The following RBMS3 variants were observed in gnomAD, a reference collection of about 807,000 sequenced individuals.
RBMS3 encodes RNA binding motif single stranded interacting protein 3, also known as RNA-binding motif, single-stranded-interacting protein 3.
In RBMS3, 27 loss-of-function variants were observed where a neutral mutation model predicts 66.8. The ratio of observed to expected loss-of-function variants is 0.40; its 90% CI spans 0.30 to 0.56. RBMS3 has a LOEUF of 0.56. Ranked by LOEUF, RBMS3 falls within the 20% of genes least tolerant of loss-of-function variation. RBMS3 has a pLI of 0.40. For synonymous variants in RBMS3, 188 were observed against 183.0 expected (o/e 1.03, Z -0.22); for missense variants, 513 against 549.5 (o/e 0.93, Z 0.66).
intron 4 of RBMS3, among the ~76,000 whole-genome samples, chr3:29,728,021 G>A (rs1451186059): frequency 6.6e-6 from 1 of 152,176 alleles, no homozygotes; most frequent in Non-Finnish European, 1.5e-5. Context: ...GGAATACTAT[G>A]CAGCCATAAA....
Position 29,578,132 on chromosome 3 carries a change from C to A in RBMS3, c.308-8982C>A, listed in dbSNP as rs990081826. On this transcript the variant is annotated intron_variant, in intron 3 of 14. Coordinates refer to ENST00000383767, the MANE Select transcript of RBMS3 (RefSeq NM_001003793.3). ...AACTATACTTTTATAACTCTATAAA[C>A]CTCTGGGTGTCCCTAATACATAGAA... Among the ~76,000 whole-genome samples the A allele has an allele frequency of 4.6e-5, 7 of 152,274 alleles. No homozygotes were observed. The South Asian group carries it at 6.2e-4, about 14-fold the overall frequency.
intron 6 of RBMS3, among the ~76,000 whole-genome samples, chr3:29,823,339 A>G (rs1176847177): frequency 6.6e-6 from 1 of 152,100 alleles, no homozygotes; most frequent in East Asian, 1.9e-4. Context: ...GTACTCTTTT[A>G]TGCCTAACTT....
chr3:29,364,089 C>A (rs2037764351), intron 1 of RBMS3, among the ~76,000 whole-genome samples: 1 of 152,050 alleles, frequency 6.6e-6, no homozygotes, highest in South Asian at 2.1e-4. Flanking sequence ...ATGTTTATTG[C>A]AGGCATATTG....
At chr3:29,374,821 T>C (rs563937326) in intron 1 of RBMS3, among the ~76,000 whole-genome samples, 1 of 152,364 alleles carries the variant, frequency 6.6e-6, no homozygotes, top group South Asian at 2.1e-4. Context: ...ATAATAACTG[T>C]ACTATGTTTT....
intron 4 of RBMS3, among the ~76,000 whole-genome samples, chr3:29,732,726 A>G (rs372110355): frequency 2.6e-5 from 4 of 152,248 alleles, no homozygotes; most frequent in African/African-American, 9.6e-5. Context: ...GAGAAAAAAC[A>G]TTTAGTTTTT....
intron 4 of RBMS3, among the ~76,000 whole-genome samples, chr3:29,738,918 T>C (rs1045197972): frequency 1.3e-5 from 2 of 152,204 alleles, no homozygotes; most frequent in Admixed American, 6.5e-5. Context: ...TTATGAGCTG[T>C]GTAACTTGGA....
Position 29,902,652 on chromosome 3 carries a change from A to G in RBMS3, c.939+2897A>G, listed in dbSNP as rs112091867. Among the ~76,000 whole-genome samples the G allele has an allele frequency of 3.0e-4, 46 of 152,018 alleles. 2 individuals carry two copies. Among genetic ancestry groups the G allele is most frequent in the African/African-American group, 1.1e-3 (44 of 41,514 alleles). On this transcript the variant is annotated intron_variant, in intron 10 of 14. Coordinates refer to ENST00000383767, the MANE Select transcript of RBMS3 (RefSeq NM_001003793.3). ...AATCTATGTCTCAAATATATTGCCC[A>G]TAATTCCAATTTGCTTGCAACTTTT...
chr3:29,734,668 A>G (rs1004342213), intron 4 of RBMS3, among the ~76,000 whole-genome samples: 1 of 152,110 alleles, frequency 6.6e-6, no homozygotes, highest in Non-Finnish European at 1.5e-5. Context: ...AAGCAGTTCT[A>G]CTCAAAGTTT....
chr3:29,409,711 TA>T (rs2040184629), intron 1 of RBMS3, among the ~76,000 whole-genome samples: 1 of 152,208 alleles, frequency 6.6e-6, no homozygotes, highest in Admixed American at 6.5e-5. Flanking sequence ...AACTCAGAGC[TA>T]ATGTGAGAGT....
intron 2 of RBMS3, among the ~76,000 whole-genome samples, chr3:29,470,042 T>A (rs2042669378): frequency 6.8e-6 from 1 of 147,910 alleles, no homozygotes; most frequent in African/African-American, 2.5e-5. Context: ...TATAAAAGAA[T>A]AATATACTGA....
chr3:29,691,978 AT>A (rs1391038412), intron 4 of RBMS3, among the ~76,000 whole-genome samples: 1 of 34,024 alleles, frequency 2.9e-5, no homozygotes, highest in Non-Finnish European at 6.1e-5. Context: ...GAGATGGAGT[AT>A]CCCTCTGTCG....
intron 3 of RBMS3, among the ~76,000 whole-genome samples, chr3:29,576,638 C>A (rs1452874777): frequency 6.6e-6 from 1 of 152,152 alleles, no homozygotes; most frequent in South Asian, 2.1e-4. Context: ...TAGTCAAAAA[C>A]CTTAAAAATT....
chr3:29,624,734 A>G (rs899243241), intron 4 of RBMS3, among the ~76,000 whole-genome samples: 1 of 152,192 alleles, frequency 6.6e-6, no homozygotes, highest in African/African-American at 2.4e-5. Flanking sequence ...ATAAATAGGT[A>G]TAAACATATT....
intron 14 of RBMS3, among the ~76,000 whole-genome samples, chr3:30,001,593 A>G (rs1035182820): frequency 1.3e-5 from 2 of 151,906 alleles, no homozygotes; most frequent in South Asian, 4.1e-4. Flanking sequence ...CCAAATTTCT[A>G]TACATTGTCA....
At chr3:29,319,030 G>A (rs1292429897) in intron 1 of RBMS3, among the ~76,000 whole-genome samples, 3 of 151,950 alleles carry the variant, frequency 2.0e-5, no homozygotes, top group Non-Finnish European at 4.4e-5. Context: ...AGGTATTTAA[G>A]TAATGACAAA....
chr3:29,889,536 T>C (rs13316869), intron 8 of RBMS3, among the ~76,000 whole-genome samples: 3,143 of 151,752 alleles, frequency 0.021, 104 homozygotes, highest in African/African-American at 0.072. Flanking sequence ...GAAATAAAGA[T>C]AATAATATCA....
chr3:29,855,017 A>G (rs758292195), intron 6 of RBMS3, among the ~76,000 whole-genome samples: 4 of 152,200 alleles, frequency 2.6e-5, no homozygotes, highest in Non-Finnish European at 4.4e-5. Context: ...TAATGTTAAT[A>G]ATATCTAACA....
At chr3:29,388,346 G>A (rs1364823151) in intron 1 of RBMS3, among the ~76,000 whole-genome samples, 1 of 152,184 alleles carries the variant, frequency 6.6e-6, no homozygotes, top group African/African-American at 2.4e-5. Flanking sequence ...GCACCTAGAA[G>A]AGTCCGTGAT....
intron 1 of RBMS3, among the ~76,000 whole-genome samples, chr3:29,377,285 A>C (rs2038526203): frequency 6.6e-6 from 1 of 152,150 alleles, no homozygotes; most frequent in African/African-American, 2.4e-5. Context: ...TGGTTGTCAG[A>C]TGTGCTGGGC....
Sources: gnomAD v4.1 joint callset for allele counts (sites outside exome capture counted in the v4.1 genomes callset) on GRCh38, gnomAD v4.1.1 for gene constraint, MANE v1.5 for transcripts, NCBI Gene and HGNC (gene_info 2026-07-23, HGNC 2026-07-21) for gene names.